Variants in SVIL observed in about 807,000 individuals in gnomAD.
SVIL encodes supervillin.
SVIL carries 101 observed loss-of-function variants against 240.4 expected under a neutral mutation model. The observed-to-expected ratio is 0.42, with a 90% confidence interval of 0.36 to 0.50. SVIL has a LOEUF of 0.50. SVIL is among the 20% of genes least tolerant of loss of function. SVIL has a pLI of 0.01. For synonymous variants in SVIL, 999 were observed against 1,100.0 expected (o/e 0.91, Z 1.82); for missense variants, 2,512 against 2,818.7 (o/e 0.89, Z 2.46).
At chr10:29,708,550 G>A (rs1413390335) in intron 1 of SVIL, among the ~76,000 whole-genome samples, 3 of 152,072 alleles carry the variant, frequency 2.0e-5, no homozygotes, top group African/African-American at 7.2e-5. Context: ...GAACCTGGGA[G>A]GCAGAGGTTG....
intron 1 of SVIL, among the ~76,000 whole-genome samples, chr10:29,610,622 T>C (rs1244673134): frequency 6.6e-6 from 1 of 152,136 alleles, no homozygotes; most frequent in Non-Finnish European, 1.5e-5. Context: ...GGTTTCACCA[T>C]GTTGCCCAGG....
chr10:29,484,596 A>G lies in SVIL; in HGVS notation c.4955+60T>C. On this transcript the variant is annotated intron_variant, in intron 27 of 37. Coordinates refer to ENST00000355867, the MANE Select transcript of SVIL (RefSeq NM_021738.3). The surrounding 1 kb of genome is among the most constrained non-coding windows in gnomAD (Gnocchi z 4.7). ...GAGAGTAGAGGACTGTGGTGAGAAC[A>G]GAGGGATCGAAGGGAATCAGCTCGC... The G allele has an allele frequency of 1.3e-6, 2 of 1,518,102 alleles. No homozygotes were observed. The highest frequency in any genetic ancestry group is 1.8e-6 in the Non-Finnish European group (2 of 1,120,452). 94.0% of individuals were successfully genotyped at this position (1,518,102 alleles called of 1,614,324 possible). A position where few individuals can be genotyped will look rare whatever the true frequency, so the allele number is the denominator to read the frequency against.
chr10:29,649,886 G>A (rs1370486663), intron 3 of SVIL, among the ~76,000 whole-genome samples: 1 of 152,180 alleles, frequency 6.6e-6, no homozygotes, highest in Non-Finnish European at 1.5e-5. Context: ...CTTGTGAATG[G>A]ATTAATATCA....
intron 3 of SVIL, among the ~76,000 whole-genome samples, chr10:29,646,327 T>C (rs1348080623): frequency 1.3e-5 from 2 of 152,186 alleles, no homozygotes; most frequent in African/African-American, 4.8e-5. Flanking sequence ...ATTTTCCTCA[T>C]TAAGCAGTGT....
intron 3 of SVIL, among the ~76,000 whole-genome samples, chr10:29,641,265 T>TA (rs1253921624): frequency 2.6e-5 from 4 of 151,796 alleles, no homozygotes; most frequent in African/African-American, 7.3e-5. Context: ...ATGAATATAA[T>TA]AAAAAATAAA....
intron 1 of SVIL, among the ~76,000 whole-genome samples, chr10:29,695,788 G>C (rs192430184): frequency 6.8e-6 from 1 of 147,030 alleles, no homozygotes; most frequent in Non-Finnish European, 1.5e-5. Context: ...AACAGCTCCC[G>C]TCTCCCTCTC....
chr10:29,505,917 C>T (rs1211400904), intron 17 of SVIL, among the ~76,000 whole-genome samples: 2 of 152,128 alleles, frequency 1.3e-5, no homozygotes, highest in Non-Finnish European at 2.9e-5. Flanking sequence ...TACCAAAATC[C>T]ACAGATGCTC....
chr10:29,568,730 T>C (rs1004941944), intron 2 of SVIL, among the ~76,000 whole-genome samples: 3 of 151,728 alleles, frequency 2.0e-5, no homozygotes, highest in Non-Finnish European at 4.4e-5. Context: ...TTCAGAAAGG[T>C]TAAGAGAGAG....
At chr10:29,550,048 G>A (rs1463332036) in intron 6 of SVIL, among the ~76,000 whole-genome samples, 16 of 112,352 alleles carry the variant, frequency 1.4e-4, no homozygotes, top group South Asian at 2.8e-4. Context: ...GAATTACGAA[G>A]AAAAGAAAAA....
chr10:29,457,426 A>T lies in SVIL; in HGVS notation c.*821T>A, dbSNP rs927796760. On this transcript the variant is annotated 3_prime_UTR_variant, in exon 38 of 38. Transcript: ENST00000355867. The stretch of plus-strand genomic sequence containing the variant: ...CAAAATGACATGTGTACTGTTTACA[A>T]CCGGTATTAGAAATTGAGATGTTTT... 6.8e-6 allele frequency: 1 copy of T among 147,356 alleles called. No homozygotes were observed. Among genetic ancestry groups the T allele is most frequent in the African/African-American group, 2.5e-5 (1 of 39,986 alleles). The allele number at this position is 147,356 out of a possible 1,614,324, so 9.1% of individuals were successfully genotyped here.
At chr10:29,546,299 CAGTT>C (rs1383458527) in intron 6 of SVIL, among the ~76,000 whole-genome samples, 3 of 152,182 alleles carry the variant, frequency 2.0e-5, no homozygotes, top group South Asian at 4.1e-4. Flanking sequence ...AGGTTTGTAA[CAGTT>C]AGAGAGGTGG....
intron 18 of SVIL, among the ~76,000 whole-genome samples, chr10:29,497,224 G>A (rs986491326): frequency 6.6e-6 from 1 of 152,146 alleles, no homozygotes; most frequent in African/African-American, 2.4e-5. Flanking sequence ...CCTATAATGA[G>A]TTAGGTACTC....
At chr10:29,482,746 A>G (rs1947026897) in intron 27 of SVIL, 1 of 152,264 alleles carries the variant, frequency 6.6e-6, no homozygotes, top group African/African-American at 2.4e-5. Flanking sequence ...GAACACAGGT[A>G]TTTTAGATAA....
chr10:29,494,964 T>C lies in SVIL; in HGVS notation c.3791A>G (p.Asp1264Gly), dbSNP rs1165830849. The change falls in exon 20 of 38, where the codon GAC becomes GGC. Residue 1264 changes from aspartate (D) to glycine (G), a missense_variant. By Grantham distance (94) the Asp-to-Gly change is moderately conservative. Transcript: ENST00000355867. ...EARPDMQLES[D>G]LKLDRLETFL... ...GGTTTCCAGCCTGTCCAACTTCAGG[T>C]CCGATTCTAACTGCATATCTGGTCT... 6.2e-7 allele frequency: 1 copy of C among 1,613,858 alleles called. No individual in the cohort carries two copies. Among genetic ancestry groups the C allele is most frequent in the Non-Finnish European group, 8.5e-7 (1 of 1,180,022 alleles).
At chr10:29,530,430 G>A (rs925821756) in intron 11 of SVIL, among the ~76,000 whole-genome samples, 177 bp downstream of exon 11, 7 of 152,168 alleles carry the variant, frequency 4.6e-5, no homozygotes, top group Admixed American at 4.6e-4. Flanking sequence ...GGGTCCACAA[G>A]ATTCCCCCTC....
intron 1 of SVIL, among the ~76,000 whole-genome samples, chr10:29,589,013 CT>C: frequency 6.6e-6 from 1 of 152,262 alleles, no homozygotes; most frequent in East Asian, 1.9e-4. Context: ...ACTTGTGTCC[CT>C]TTTTCCCCAG....
At chr10:29,609,434 C>T (rs773498789) in intron 1 of SVIL, among the ~76,000 whole-genome samples, 29 of 152,288 alleles carry the variant, frequency 1.9e-4, no homozygotes, top group Non-Finnish European at 4.1e-4. Flanking sequence ...AGCCACGGGC[C>T]AGAGCAAGGT....
intron 6 of SVIL, among the ~76,000 whole-genome samples, chr10:29,546,439 CT>C (rs2132626014): frequency 1.3e-5 from 2 of 152,256 alleles, no homozygotes; most frequent in South Asian, 4.1e-4. Flanking sequence ...GTTAAAAATC[CT>C]GTAATATCAA....
In SVIL at chr10:29,536,100, T is replaced by G. The variant is rs768634584; in HGVS notation, c.828-31A>C. 1.1e-5 allele frequency: 18 copies of G among 1,605,304 alleles called. No homozygotes were observed. The East Asian group carries it at 4.0e-4, about 36-fold the overall frequency. The stretch of plus-strand genomic sequence containing the variant: ...GTGTACAAAAAACAAAACCAGATAA[T>G]CTCTATTAAAACGTCAACATATACA... On this transcript the variant is annotated intron_variant, in intron 6 of 37. Transcript: ENST00000355867.
Sources: gnomAD v4.1 joint callset for allele counts (sites outside exome capture counted in the v4.1 genomes callset) on GRCh38, gnomAD v4.1.1 for gene constraint, Gnocchi (gnomAD v3.1) non-coding constraint, MANE v1.5 for transcripts, NCBI Gene and HGNC (gene_info 2026-07-23, HGNC 2026-07-21) for gene names.